The following PIGX variants were observed in gnomAD, a reference collection of about 807,000 sequenced individuals.
PIGX encodes the protein GPI alpha-1,4-mannosyltransferase I, stabilizing subunit.
Under a neutral mutation model 28.7 loss-of-function variants are expected in PIGX, and 24 were observed. The observed-to-expected ratio is 0.84, with a 90% confidence interval of 0.60 to 1.17. The LOEUF (loss-of-function observed/expected upper bound fraction) is 1.17, where lower values mean the gene tolerates loss of function less well. Ranked by LOEUF, PIGX falls within the 50% of genes most tolerant of loss-of-function variation. The probability of loss-of-function intolerance (pLI) is 0.00; values close to 1 mark genes in which losing one functional copy is unlikely to be tolerated. For missense variants in PIGX, 305 were observed against 317.8 expected, an observed-to-expected ratio of 0.96 and a Z score of 0.31; for synonymous variants, 127 against 121.0, an observed-to-expected ratio of 1.05 and a Z score of -0.33.
At chr3:196,730,136 T>C (rs1693217199) in intron 4 of PIGX, among the ~76,000 whole-genome samples, 1 of 151,996 alleles carries the variant, frequency 6.6e-6, no homozygotes, top group South Asian at 2.1e-4. Context: ...TAATACTACA[T>C]TTGTTACCGT....
intron 1 of PIGX, among the ~76,000 whole-genome samples, chr3:196,714,214 AAC>A (rs1184899399): frequency 1.3e-5 from 2 of 152,228 alleles, no homozygotes; most frequent in African/African-American, 4.8e-5. Context: ...CTGAAATTCT[AAC>A]ACATTGGGAG....
chr3:196,713,071 G>A lies in PIGX; in HGVS notation c.112+427G>A, dbSNP rs932616108. On this transcript the variant is annotated intron_variant, in intron 1 of 5. Transcript: ENST00000392391. Reference sequence around the variant, plus strand: ...TAGTTGTTCGTGCAAGTAGTAGTTGGCAAACTGCTTGTACTACTGAGACGG... The same window carrying A: ...TAGTTGTTCGTGCAAGTAGTAGTTGACAAACTGCTTGTACTACTGAGACGG... 1.9e-5 allele frequency: 19 copies of A among 985,814 alleles called. No homozygotes were observed. The African/African-American group carries it at 3.3e-4, about 17-fold the overall frequency. The allele number at this position is 985,814 out of a possible 1,614,324, so 61.1% of individuals were successfully genotyped here.
At position 196,727,937 on chromosome 3, in the gene PIGX, A is replaced by G. The variant is rs753561827; in HGVS notation, c.333A>G (p.Ser111=). 3 of 1,607,156 alleles carry G rather than the reference A, an allele frequency of 1.9e-6. No homozygotes were observed. Among genetic ancestry groups the G allele is most frequent in the South Asian group, 1.1e-5 (1 of 90,424 alleles). ...TTTTTGAACAGGCAGTGATGGTTTCAGAAAATTTTGATATAGAGGCCCCTA... is the reference window on the plus strand; with the variant it reads ...TTTTTGAACAGGCAGTGATGGTTTCGGAAAATTTTGATATAGAGGCCCCTA... The change falls in exon 4 of 6, where the codon TCA becomes TCG. Residue 111 remains serine, a synonymous_variant. Transcript: ENST00000392391.
intron 3 of PIGX, among the ~76,000 whole-genome samples, chr3:196,723,843 T>C (rs2108682581): frequency 6.6e-6 from 1 of 152,148 alleles, no homozygotes. Context: ...TTTTAATTGT[T>C]TTTGAATAAG....
At chr3:196,731,467 C>T (rs951704875) in intron 5 of PIGX, among the ~76,000 whole-genome samples, 4 of 152,036 alleles carry the variant, frequency 2.6e-5, no homozygotes, top group African/African-American at 9.7e-5. Flanking sequence ...CATGAGCCAC[C>T]GTGCCCAGCT....
intron 3 of PIGX, among the ~76,000 whole-genome samples, chr3:196,725,830 A>G (rs942066669): frequency 2.6e-5 from 4 of 152,232 alleles, no homozygotes; most frequent in African/African-American, 9.6e-5. Flanking sequence ...GTAGCAGGGA[A>G]TACTTAGCCA....
intron 5 of PIGX, among the ~76,000 whole-genome samples, chr3:196,731,564 T>C (rs1712756377): frequency 1.3e-5 from 2 of 152,226 alleles, no homozygotes; most frequent in Non-Finnish European, 2.9e-5. Context: ...TTGGGGAACT[T>C]TCATTGAACA....
intron 2 of PIGX, among the ~76,000 whole-genome samples, chr3:196,717,616 T>C (rs879409349): frequency 6.6e-6 from 1 of 152,224 alleles, no homozygotes; most frequent in African/African-American, 2.4e-5. Flanking sequence ...CAATATTCCA[T>C]TTAATCTTCA....
At chr3:196,731,526 G>A (rs766459377) in intron 5 of PIGX, among the ~76,000 whole-genome samples, 2 of 152,148 alleles carry the variant, frequency 1.3e-5, no homozygotes, top group Non-Finnish European at 2.9e-5. Flanking sequence ...TACAGCAAAG[G>A]GTTACTACAA....
rs1560080470 is a variant in PIGX at position 196,732,221 on chromosome 3, TA to T, written c.633+1130del. Among the ~76,000 whole-genome samples, 54 of 23,060 alleles carry T rather than the reference TA, an allele frequency of 2.3e-3. 3 individuals carry two copies. The highest frequency in any genetic ancestry group is 6.6e-3 in the South Asian group (6 of 904). 15.1% of individuals were successfully genotyped at this position (23,060 alleles called of 152,430 possible). A position where few individuals can be genotyped will look rare whatever the true frequency, so the allele number is the denominator to read the frequency against. ...TAACTATATGTATATATTATTTATATATATATATATATATATATATATATAT... is the reference window on the plus strand; with the variant it reads ...TAACTATATGTATATATTATTTATATTATATATATATATATATATATATAT... On this transcript the variant is annotated intron_variant, in intron 5 of 5. Coordinates refer to ENST00000392391, the MANE Select transcript of PIGX (RefSeq NM_017861.4).
At chr3:196,721,153 G>A (rs1258153333) in intron 2 of PIGX, 3 of 363,032 alleles carry the variant, frequency 8.3e-6, no homozygotes, top group South Asian at 6.2e-5. Flanking sequence ...TTTTTTTTCT[G>A]TTACATTCTC....
chr3:196,729,343 TA>T (rs2108686968), intron 4 of PIGX, among the ~76,000 whole-genome samples: 1 of 141,822 alleles, frequency 7.1e-6, no homozygotes, highest in Admixed American at 6.8e-5. Context: ...AAAAAAAAAA[TA>T]AAATAAAAAA....
At chr3:196,716,826 G>GT in intron 1 of PIGX, 32 bp from the exon 2 acceptor site, 2 of 1,279,436 alleles carry the variant, frequency 1.6e-6, no homozygotes, top group Non-Finnish European at 1.1e-6. Flanking sequence ...CAGTGCTTTT[G>GT]TTTTTAAAAA....
intron 4 of PIGX, chr3:196,728,865 T>TTG: frequency 5.7e-6 from 4 of 704,688 alleles, no homozygotes; most frequent in Non-Finnish European, 1.0e-5. Flanking sequence ...TTTTTGTTTC[T>TTG]TGTTATCAGT....
At chr3:196,730,747 C>CAAAAAAA (rs965830812) in intron 4 of PIGX, among the ~76,000 whole-genome samples, 1 of 40,732 alleles carries the variant, frequency 2.5e-5, no homozygotes, top group Non-Finnish European at 5.3e-5. Flanking sequence ...GACTCTGTCT[C>CAAAAAAA]AAAAAAAAAA....
chr3:196,721,658 A>T (rs1316951311), intron 2 of PIGX, among the ~76,000 whole-genome samples: 1 of 151,178 alleles, frequency 6.6e-6, no homozygotes, highest in Non-Finnish European at 1.5e-5. Flanking sequence ...CTGGTCTCAA[A>T]CTCCTGGCTT....
intron 5 of PIGX, among the ~76,000 whole-genome samples, chr3:196,732,532 A>G (rs866380746): frequency 1.8e-4 from 27 of 151,556 alleles, no homozygotes; most frequent in African/African-American, 5.3e-4. Context: ...CGCCTGCCTC[A>G]GCCTCCCAAA....
intron 1 of PIGX, among the ~76,000 whole-genome samples, chr3:196,716,657 C>T (rs1474943838): frequency 2.0e-5 from 3 of 152,122 alleles, no homozygotes; most frequent in Non-Finnish European, 4.4e-5. Context: ...ACTCCAGAGT[C>T]ACTGTTCTTA....
At position 196,733,736 on chromosome 3, in the gene PIGX, A is replaced by G. The variant is rs553571160; in HGVS notation, c.634-23A>G. ...CCCATGACATGCATTTTCAATGTCT[A>G]ACTTCTCTCTCTCTCTCCATAGGTA... On this transcript the variant is annotated intron_variant, in intron 5 of 5. Coordinates refer to ENST00000392391, the MANE Select transcript of PIGX (RefSeq NM_017861.4). This position sits in a 1 kb window ranked among gnomAD's most constrained non-coding sequence, Gnocchi z 4.3. The G allele has an allele frequency of 4.5e-6, 7 of 1,566,338 alleles. No homozygotes were observed. The highest frequency in any genetic ancestry group is 5.3e-6 in the Non-Finnish European group (6 of 1,138,118).
Sources: allele counts gnomAD v4.1 joint callset (sites outside exome capture counted in the v4.1 genomes callset), GRCh38; gene constraint gnomAD v4.1.1; non-coding constraint Gnocchi (gnomAD v3.1); transcripts MANE v1.5; gene names NCBI Gene and HGNC (gene_info 2026-07-23, HGNC 2026-07-21).